MYO1E: variants seen among roughly 807,000 people sequenced by gnomAD.
The protein encoded by MYO1E is unconventional myosin-Ie.
MYO1E carries 68 observed loss-of-function variants against 151.1 expected under a neutral mutation model. That is an observed-to-expected ratio of 0.45 (90% CI 0.37 to 0.55). The LOEUF (loss-of-function observed/expected upper bound fraction) is 0.55, where lower values mean the gene tolerates loss of function less well. Among genes scored for constraint, MYO1E ranks in the 20% least tolerant of loss-of-function variants. MYO1E has a pLI of 0.00. For missense variants in MYO1E, 1,363 were observed against 1,389.3 expected, an observed-to-expected ratio of 0.98 and a Z score of 0.30; for synonymous variants, 601 against 501.7, an observed-to-expected ratio of 1.20 and a Z score of -2.64.
chr15:59,226,934 C>A (rs7166294), intron 7 of MYO1E, among the ~76,000 whole-genome samples: 145,831 of 152,336 alleles, frequency 0.96, 70,158 homozygotes, highest in East Asian at 1. Flanking sequence ...GTCTAGGTGG[C>A]AACTTTTCAA....
At chr15:59,295,411 C>T (rs922173354) in intron 1 of MYO1E, among the ~76,000 whole-genome samples, 3 of 152,096 alleles carry the variant, frequency 2.0e-5, no homozygotes, top group African/African-American at 7.2e-5. Flanking sequence ...GAAACGGTAG[C>T]CTCGGTTAAG....
chr15:59,204,998 G>A (rs548303785), intron 15 of MYO1E, among the ~76,000 whole-genome samples: 2 of 152,278 alleles, frequency 1.3e-5, no homozygotes, highest in South Asian at 4.2e-4. Flanking sequence ...TTGGAATTTG[G>A]GGGCATGAAG....
intron 17 of MYO1E, among the ~76,000 whole-genome samples, chr15:59,191,863 T>C (rs555242507): frequency 6.6e-6 from 1 of 152,318 alleles, no homozygotes; most frequent in East Asian, 1.9e-4. Context: ...GGAGTCTTTT[T>C]CCAAGACTGT....
At position 59,173,821 on chromosome 15, in the gene MYO1E, T is replaced by G. The variant is rs774807485; in HGVS notation, c.2259A>C (p.Glu753Asp). 2 of 1,614,022 alleles carry G rather than the reference T, an allele frequency of 1.2e-6. No homozygotes were observed. Among genetic ancestry groups the G allele is most frequent in the South Asian group, 2.2e-5 (2 of 91,064 alleles). The stretch of plus-strand genomic sequence containing the variant: ...CCCTCTTGCCCACGAACTGCTGGAG[T>G]TCTGGGTGCTCTTCCATCCCAATAT... ...GDYIGMEEHP[E>D]LQQFVGKREK... The change falls in exon 21 of 28, where the codon GAA becomes GAC. Residue 753 changes from glutamate (E) to aspartate (D), a missense_variant. Transcript: ENST00000288235.
intron 2 of MYO1E, among the ~76,000 whole-genome samples, chr15:59,267,705 T>C (rs2080264755): frequency 6.6e-6 from 1 of 152,224 alleles, no homozygotes; most frequent in South Asian, 2.1e-4. Context: ...CACAGAGTGC[T>C]TTGCGCAGGA....
chr15:59,291,216 G>A (rs1446883080), intron 1 of MYO1E, among the ~76,000 whole-genome samples: 2 of 152,150 alleles, frequency 1.3e-5, no homozygotes, highest in East Asian at 1.9e-4. Context: ...TGAGCCCAGC[G>A]ACCCAAAATA....
At chr15:59,199,539 C>T (rs1351888981) in intron 16 of MYO1E, among the ~76,000 whole-genome samples, 1 of 152,122 alleles carries the variant, frequency 6.6e-6, no homozygotes, top group African/African-American at 2.4e-5. Context: ...TTGTCCCTTC[C>T]AGACACGACA....
At chr15:59,142,920 CAAAA>C (rs10717979) in intron 26 of MYO1E, among the ~76,000 whole-genome samples, 43 of 87,212 alleles carry the variant, frequency 4.9e-4, no homozygotes, top group African/African-American at 1.5e-3. Context: ...TAATTAGGTG[CAAAA>C]AAAAAAAAAA....
In MYO1E at chr15:59,140,822, C is replaced by A. The variant is rs1230153998; in HGVS notation, c.3081-2455G>T. ...GGGCGCCCCTGAGACTCGGCTTTTA[C>A]ACCACCCCACGTGGGAGGGAGCAAT... On this transcript the variant is annotated intron_variant, in intron 26 of 27. Transcript: ENST00000288235. Among the ~76,000 whole-genome samples, 37 of 152,168 alleles carry A rather than the reference C, an allele frequency of 2.4e-4. 1 individual carries two copies. The highest frequency in any genetic ancestry group is 2.9e-5 in the Non-Finnish European group (2 of 68,030).
chr15:59,199,391 A>G (rs1427621849), intron 16 of MYO1E, among the ~76,000 whole-genome samples: 3 of 152,124 alleles, frequency 2.0e-5, no homozygotes, highest in Non-Finnish European at 4.4e-5. Flanking sequence ...CCTGCATTAT[A>G]CTTTATAGTT....
intron 5 of MYO1E, among the ~76,000 whole-genome samples, chr15:59,233,661 TAAAAA>T (rs11285934): frequency 1.3e-5 from 1 of 78,376 alleles, no homozygotes; most frequent in African/African-American, 4.8e-5. Flanking sequence ...AGACTCCGTC[TAAAAA>T]AAAAAAAAAA....
intron 1 of MYO1E, among the ~76,000 whole-genome samples, chr15:59,323,872 T>G (rs2080644851): frequency 6.6e-6 from 1 of 151,860 alleles, no homozygotes; most frequent in African/African-American, 2.4e-5. Flanking sequence ...CACCTTATAT[T>G]ATTACTAGAG....
intron 7 of MYO1E, among the ~76,000 whole-genome samples, chr15:59,226,595 C>A (rs1317671753): frequency 1.3e-5 from 2 of 152,054 alleles, no homozygotes; most frequent in African/African-American, 2.4e-5. Context: ...TCACTTGAGT[C>A]CGAGAGTTAG....
chr15:59,172,449 C>A (rs1436920983), intron 21 of MYO1E, among the ~76,000 whole-genome samples: 1 of 152,204 alleles, frequency 6.6e-6, no homozygotes, highest in East Asian at 1.9e-4. Flanking sequence ...CTTGGACAGT[C>A]AATCTTCACT....
intron 25 of MYO1E, among the ~76,000 whole-genome samples, chr15:59,156,557 G>A (rs1425124075): frequency 1.3e-5 from 2 of 152,180 alleles, no homozygotes; most frequent in Non-Finnish European, 2.9e-5. Flanking sequence ...TCTAACTTCC[G>A]GTCTCAAGCA....
intron 24 of MYO1E, 129 bp downstream of exon 24, chr15:59,160,944 C>G: frequency 1.6e-6 from 2 of 1,270,334 alleles, no homozygotes; most frequent in Non-Finnish European, 2.3e-6. Flanking sequence ...CTGAAGAAAG[C>G]GTGAGCCCCA....
At chr15:59,212,484 T>A (rs1357377196) in intron 12 of MYO1E, among the ~76,000 whole-genome samples, 4 of 152,084 alleles carry the variant, frequency 2.6e-5, no homozygotes, top group African/African-American at 9.7e-5. Flanking sequence ...TCCCCCCAAA[T>A]TTCACATCCA....
chr15:59,326,179 T>C (rs1444265735), intron 1 of MYO1E, among the ~76,000 whole-genome samples: 2 of 151,880 alleles, frequency 1.3e-5, no homozygotes, highest in African/African-American at 4.8e-5. Context: ...AGCTATGTAT[T>C]TCCCTGAAGA....
chr15:59,189,094 C>T (rs1490972920), intron 17 of MYO1E, among the ~76,000 whole-genome samples: 4 of 152,264 alleles, frequency 2.6e-5, no homozygotes, highest in African/African-American at 9.6e-5. Context: ...CAGGGTCTCA[C>T]TTTGTCATCC....
Sources: gnomAD v4.1 joint callset for allele counts (sites outside exome capture counted in the v4.1 genomes callset) on GRCh38, gnomAD v4.1.1 for gene constraint, MANE v1.5 for transcripts, NCBI Gene and HGNC (gene_info 2026-07-23, HGNC 2026-07-21) for gene names.